Variants in SLC45A4 observed in about 807,000 individuals in gnomAD.
The protein encoded by SLC45A4 is polyamine-transporter SLC45A4.
Under a neutral mutation model 63.7 loss-of-function variants are expected in SLC45A4, and 32 were observed. The observed-to-expected ratio is 0.50, with a 90% confidence interval of 0.38 to 0.67. SLC45A4 has a LOEUF of 0.67. SLC45A4 is among the 30% of genes least tolerant of loss of function. The pLI is 0.00. For synonymous variants in SLC45A4, 535 were observed against 510.0 expected, an observed-to-expected ratio of 1.05 and a Z score of -0.66; for missense variants, 1,027 against 1,157.7, an observed-to-expected ratio of 0.89 and a Z score of 1.64.
intron 3 of SLC45A4, among the ~76,000 whole-genome samples, chr8:141,221,008 T>C (rs1472262472): frequency 6.6e-6 from 1 of 152,264 alleles, no homozygotes; most frequent in African/African-American, 2.4e-5. Context: ...CCTCTCCTCC[T>C]GCCGCTTAAC....
intron 2 of SLC45A4, among the ~76,000 whole-genome samples, chr8:141,223,395 G>A (rs755006603): frequency 6.6e-6 from 1 of 152,210 alleles, no homozygotes; most frequent in Non-Finnish European, 1.5e-5. Context: ...GATCCATCAG[G>A]AAGCCTATTT....
intron 2 of SLC45A4, among the ~76,000 whole-genome samples, chr8:141,235,253 T>G (rs1187084459): frequency 1.3e-5 from 2 of 152,230 alleles, no homozygotes; most frequent in Non-Finnish European, 1.5e-5. Flanking sequence ...CCCTTCTTCA[T>G]GCAGGTGAAG....
At chr8:141,228,461 C>T (rs972843080) in intron 2 of SLC45A4, 14 of 1,369,578 alleles carry the variant, frequency 1.0e-5, no homozygotes, top group Non-Finnish European at 1.3e-5. Context: ...CAGGGCCGAC[C>T]CTGTGTCCAG....
rs1024163202 is a variant in SLC45A4 at position 141,254,340 on chromosome 8, C to T, written c.-111G>A. ...CTTCTCTTTCTGCTTCTGCTGTGTT[C>T]CTCGGGCAGGTAACACTTACATTCC... On this transcript the variant is annotated 5_prime_UTR_variant, in exon 2 of 9. Coordinates refer to ENST00000517878, the MANE Select transcript of SLC45A4 (RefSeq NM_001286646.2). This position sits in a 1 kb window ranked among gnomAD's most constrained non-coding sequence, Gnocchi z 4.5. 12 of 1,260,782 alleles carry T rather than the reference C, an allele frequency of 9.5e-6. No individual in the cohort carries two copies. In the East Asian group the frequency reaches 3.1e-4, roughly 32 times the overall value. The allele number at this position is 1,260,782 out of a possible 1,614,324, so 78.1% of individuals were successfully genotyped here.
chr8:141,214,269 C>T (rs1338348366), intron 7 of SLC45A4, among the ~76,000 whole-genome samples: 1 of 151,524 alleles, frequency 6.6e-6, no homozygotes, highest in African/African-American at 2.4e-5. Context: ...AGAGCAAACA[C>T]CACTTCTACA....
intron 2 of SLC45A4, among the ~76,000 whole-genome samples, chr8:141,245,897 C>T (rs186009719): frequency 6.0e-4 from 92 of 152,288 alleles, no homozygotes; most frequent in South Asian, 5.2e-3. Context: ...CTCACACACA[C>T]GGGCATTAGC....
intron 2 of SLC45A4, among the ~76,000 whole-genome samples, chr8:141,247,783 A>G (rs1466950268): frequency 6.6e-6 from 1 of 152,200 alleles, no homozygotes; most frequent in African/African-American, 2.4e-5. Flanking sequence ...AAATCAATCA[A>G]TCGTTGTATC....
intron 1 of SLC45A4, among the ~76,000 whole-genome samples, chr8:141,264,439 C>T (rs1368083567): frequency 6.6e-6 from 1 of 152,204 alleles, no homozygotes; most frequent in Non-Finnish European, 1.5e-5. Context: ...CGGGACATCT[C>T]GACCTCTGCT....
chr8:141,238,215 G>A (rs1401537939), intron 2 of SLC45A4, among the ~76,000 whole-genome samples: 1 of 152,228 alleles, frequency 6.6e-6, no homozygotes, highest in African/African-American at 2.4e-5. Context: ...CTCCAAGCCT[G>A]GACCTGCGTC....
intron 2 of SLC45A4, among the ~76,000 whole-genome samples, chr8:141,235,173 C>T (rs1827560590): frequency 6.6e-6 from 1 of 152,186 alleles, no homozygotes; most frequent in Non-Finnish European, 1.5e-5. Flanking sequence ...CGACCCACAG[C>T]AGCAGCAGTA....
chr8:141,274,711 G>A (rs530960652), intron 1 of SLC45A4, among the ~76,000 whole-genome samples: 104 of 152,300 alleles, frequency 6.8e-4, no homozygotes, highest in African/African-American at 2.3e-3. Flanking sequence ...AACTAAGGCT[G>A]AAGGTCAGCC....
At position 141,223,793 on chromosome 8, in the gene SLC45A4, G is replaced by A. The variant is rs79827860; in HGVS notation, c.242-2028C>T. The stretch of plus-strand genomic sequence containing the variant: ...CACCCACATGCACTCACGAGAGACC[G>A]TGCCCCCAGAGGGCCGTAGCTGCTC... On this transcript the variant is annotated intron_variant, in intron 2 of 8. Transcript: ENST00000517878. 6.6e-5 allele frequency among the ~76,000 whole-genome samples: 10 copies of A among 152,274 alleles called. No homozygotes were observed. In the East Asian group the frequency reaches 1.5e-3, roughly 24 times the overall value.
Position 141,254,240 on chromosome 8 carries a change from A to T in SLC45A4, c.-11T>A, listed in dbSNP as rs1423344462. The T allele has an allele frequency of 2.6e-6, 4 of 1,528,756 alleles. No homozygotes were observed. The highest frequency in any genetic ancestry group is 3.5e-6 in the Non-Finnish European group (4 of 1,142,268). 94.7% of individuals were successfully genotyped at this position (1,528,756 alleles called of 1,614,324 possible). A position where few individuals can be genotyped will look rare whatever the true frequency, so the allele number is the denominator to read the frequency against. On this transcript the variant is annotated 5_prime_UTR_variant, in exon 2 of 9. Transcript: ENST00000517878. This position sits in a 1 kb window ranked among gnomAD's most constrained non-coding sequence, Gnocchi z 4.5. ...CGGAGCCATTTTCATTACCACCAAA[A>T]ATATATGTATTTATCTATATATTCT...
intron 1 of SLC45A4, among the ~76,000 whole-genome samples, chr8:141,262,022 T>C (rs1402482980): frequency 2.6e-5 from 4 of 152,130 alleles, no homozygotes; most frequent in African/African-American, 7.2e-5. Flanking sequence ...AACAGAGATA[T>C]AGATCAATGG....
chr8:141,238,696 A>T (rs1827748422), intron 2 of SLC45A4, among the ~76,000 whole-genome samples: 1 of 152,174 alleles, frequency 6.6e-6, no homozygotes, highest in Admixed American at 6.5e-5. Flanking sequence ...CATTCCCCAC[A>T]GAGACCTGCT....
intron 1 of SLC45A4, among the ~76,000 whole-genome samples, chr8:141,273,431 A>G (rs1829613727): frequency 6.6e-6 from 1 of 152,214 alleles, no homozygotes; most frequent in South Asian, 2.1e-4. Context: ...TGAAATGCCC[A>G]TAAGCCCTAG....
chr8:141,244,116 GC>G (rs1828050016), intron 2 of SLC45A4, among the ~76,000 whole-genome samples: 1 of 152,108 alleles, frequency 6.6e-6, no homozygotes, highest in Non-Finnish European at 1.5e-5. Context: ...GGGAGACTGC[GC>G]CCCTATTCTT....
At chr8:141,289,298 T>C (rs1191808070) in intron 1 of SLC45A4, among the ~76,000 whole-genome samples, 1 of 152,186 alleles carries the variant, frequency 6.6e-6, no homozygotes, top group Non-Finnish European at 1.5e-5. Flanking sequence ...TTGTCCTTTT[T>C]AGTGAAAGAC....
At chr8:141,237,140 T>A (rs1827670104) in intron 2 of SLC45A4, among the ~76,000 whole-genome samples, 1 of 152,230 alleles carries the variant, frequency 6.6e-6, no homozygotes, top group Non-Finnish European at 1.5e-5. Context: ...TATGATATAT[T>A]GCTTACTATA....
Sources: allele counts gnomAD v4.1 joint callset (sites outside exome capture counted in the v4.1 genomes callset), GRCh38; gene constraint gnomAD v4.1.1; non-coding constraint Gnocchi (gnomAD v3.1); transcripts MANE v1.5; gene names NCBI Gene and HGNC (gene_info 2026-07-23, HGNC 2026-07-21).